UBXN7: variants seen among roughly 807,000 people sequenced by gnomAD.
UBXN7 encodes UBX domain-containing protein 7.
UBXN7 carries 9 observed loss-of-function variants against 58.0 expected under a neutral mutation model. That is an observed-to-expected ratio of 0.16 (90% CI 0.09 to 0.27). UBXN7 has a LOEUF of 0.27. Among genes scored for constraint, UBXN7 ranks in the 10% least tolerant of loss-of-function variants. The pLI is 1.00. For synonymous variants in UBXN7, 208 were observed against 205.0 expected (o/e 1.01, Z -0.12); for missense variants, 328 against 599.6 (o/e 0.55, Z 4.73).
chr3:196,383,766 A>T (rs928686010), intron 5 of UBXN7, among the ~76,000 whole-genome samples: 5 of 152,234 alleles, frequency 3.3e-5, no homozygotes, highest in African/African-American at 1.2e-4. Flanking sequence ...ACAAAGACAC[A>T]ACGTAACAGA....
chr3:196,392,006 T>G (rs1361068496), intron 4 of UBXN7, 81 bp from the exon 5 acceptor site: 8 of 813,634 alleles, frequency 9.8e-6, no homozygotes, highest in Admixed American at 6.4e-5. Context: ...AACACAAACT[T>G]CTGTCAATTG....
At chr3:196,385,735 G>A (rs999047387) in intron 5 of UBXN7, among the ~76,000 whole-genome samples, 6 of 149,620 alleles carry the variant, frequency 4.0e-5, no homozygotes, top group African/African-American at 5.0e-5. Context: ...CCCGGCAGCC[G>A]CCCATCAGGG....
In UBXN7 at chr3:196,393,638, G is replaced by T; in HGVS notation, c.290-19C>A. 1 of 1,592,516 alleles carries T rather than the reference G, an allele frequency of 6.3e-7. No individual in the cohort carries two copies. The highest frequency in any genetic ancestry group is 8.5e-7 in the Non-Finnish European group (1 of 1,172,858). On this transcript the variant is annotated intron_variant, in intron 3 of 10. Coordinates refer to ENST00000296328, the MANE Select transcript of UBXN7 (RefSeq NM_015562.2). ...TTAGGAGCTTTGGGGAGAAAAAATA[G>T]AATTGAAAATTTTTTAAATTAATTT...
intron 1 of UBXN7, chr3:196,431,940 A>C (rs1281447820): frequency 2.5e-6 from 1 of 396,638 alleles, no homozygotes. Flanking sequence ...ACCGCACCGC[A>C]GGGCTGCACA....
intron 1 of UBXN7, among the ~76,000 whole-genome samples, chr3:196,428,542 AT>A (rs1463347223): frequency 6.6e-6 from 1 of 152,182 alleles, no homozygotes; most frequent in Middle Eastern, 3.2e-3. Flanking sequence ...GTGGAAGATA[AT>A]ATGTAAAATA....
At chr3:196,401,312 CACACACACATAT>C (rs1349066880) in intron 3 of UBXN7, among the ~76,000 whole-genome samples, 14 of 110,896 alleles carry the variant, frequency 1.3e-4, no homozygotes, top group African/African-American at 5.0e-4. Flanking sequence ...CACACACACA[CACACACACATAT>C]ATATATATAC....
At position 196,362,365 on chromosome 3, in the gene UBXN7, G is replaced by T; in HGVS notation, c.1157C>A (p.Ala386Asp). The change falls in exon 9 of 11, where the codon GCT becomes GAT. Residue 386 changes from alanine (A) to aspartate (D), a missense_variant. Ala to Asp is a moderately radical substitution (Grantham distance 126). Around this residue, in one of 4 missense-constraint regions of UBXN7, gnomAD observed 66 missense variants for 77.9 expected, o/e 0.85. Coordinates refer to ENST00000296328, the MANE Select transcript of UBXN7 (RefSeq NM_015562.2). ...CATCTCCAGTATCTCTGAATCCACA[G>T]CTGGCAATCCTTGGTGGTTTGTGGC... Reference protein sequence around the residue: ...GTATNHQGLPAVDSEILEMPP... With the variant: ...GTATNHQGLPDVDSEILEMPP... The T allele has an allele frequency of 6.2e-7, 1 of 1,614,130 alleles. No homozygotes were observed. Among genetic ancestry groups the T allele is most frequent in the Admixed American group, 1.7e-5 (1 of 60,012 alleles).
Position 196,351,358 on chromosome 3 carries a change from A to G in UBXN7, c.*5327T>C, listed in dbSNP as rs1334395698. Reference sequence around the variant, plus strand: ...GGCACACAGCATTAAGTTTTAAAAAATAATGAATTGTTTACAAGATTATTA... The same window carrying G: ...GGCACACAGCATTAAGTTTTAAAAAGTAATGAATTGTTTACAAGATTATTA... On this transcript the variant is annotated 3_prime_UTR_variant, in exon 11 of 11. Transcript: ENST00000296328. 6.6e-6 allele frequency: 1 copy of G among 152,232 alleles called. No individual in the cohort carries two copies. The highest frequency in any genetic ancestry group is 2.4e-5 in the African/African-American group (1 of 41,462). The allele number at this position is 152,232 out of a possible 1,614,324, so 9.4% of individuals were successfully genotyped here.
At chr3:196,432,143 G>C (rs779452764) in intron 1 of UBXN7, 184 bp downstream of exon 1, 10 of 780,604 alleles carry the variant, frequency 1.3e-5, no homozygotes, top group Admixed American at 8.2e-5. Context: ...CGGGAGCGGG[G>C]GGGGGCTGTC....
intron 5 of UBXN7, among the ~76,000 whole-genome samples, chr3:196,385,514 T>C (rs878981647): frequency 1.9e-4 from 29 of 149,350 alleles, no homozygotes; most frequent in Admixed American, 1.9e-3. Context: ...TCGTCTGGGA[T>C]GTGGGGAGTG....
At chr3:196,396,250 C>T (rs146183938) in intron 3 of UBXN7, among the ~76,000 whole-genome samples, 3 of 152,014 alleles carry the variant, frequency 2.0e-5, no homozygotes, top group African/African-American at 7.2e-5. Context: ...TATAGCCTGC[C>T]AAAGAATGCC....
intron 5 of UBXN7, among the ~76,000 whole-genome samples, chr3:196,377,030 A>G (rs1729050025): frequency 6.7e-6 from 1 of 148,466 alleles, no homozygotes; most frequent in African/African-American, 2.5e-5. Flanking sequence ...TGGGTGACAG[A>G]GTGAGACTCT....
intron 1 of UBXN7, among the ~76,000 whole-genome samples, chr3:196,413,375 G>A (rs569145750): frequency 2.5e-4 from 38 of 152,030 alleles, no homozygotes; most frequent in Non-Finnish European, 4.3e-4. Flanking sequence ...TGTTATATAC[G>A]TGTTAATACA....
At chr3:196,405,295 C>A (rs1730126202) in intron 2 of UBXN7, among the ~76,000 whole-genome samples, 1 of 151,540 alleles carries the variant, frequency 6.6e-6, no homozygotes, top group Non-Finnish European at 1.5e-5. Flanking sequence ...CGTGGTGCAA[C>A]CCCATGTCTA....
At chr3:196,402,815 T>A in intron 3 of UBXN7, 137 bp downstream of exon 3, 1 of 984,062 alleles carries the variant, frequency 1.0e-6, no homozygotes, top group South Asian at 1.6e-5. Flanking sequence ...GCAACTTTCT[T>A]GACAGGACTA....
intron 8 of UBXN7, 133 bp downstream of exon 8, chr3:196,367,895 A>T (rs1728713740): frequency 7.9e-7 from 1 of 1,258,944 alleles, no homozygotes. Flanking sequence ...GAGGATATCT[A>T]AGATGCTATA....
chr3:196,385,498 C>T (rs997876118), intron 5 of UBXN7, among the ~76,000 whole-genome samples: 1 of 151,646 alleles, frequency 6.6e-6, no homozygotes, highest in African/African-American at 2.4e-5. Flanking sequence ...TCTGCCCAGC[C>T]ACCCATCGTC....
chr3:196,419,903 G>A (rs779415576), intron 1 of UBXN7, among the ~76,000 whole-genome samples: 6 of 152,192 alleles, frequency 3.9e-5, no homozygotes, highest in Non-Finnish European at 7.3e-5. Flanking sequence ...GGAATGGATA[G>A]AACAGTCCTA....
chr3:196,371,857 T>TA, intron 6 of UBXN7, 39 bp downstream of exon 6: 1 of 1,593,672 alleles, frequency 6.3e-7, no homozygotes, highest in Non-Finnish European at 8.5e-7. Flanking sequence ...ACTACAAAAG[T>TA]AAAATTCTAC....
Sources: gnomAD v4.1 joint callset for allele counts (sites outside exome capture counted in the v4.1 genomes callset) on GRCh38, gnomAD v4.1.1 for gene constraint, gnomAD v4.1.1 regional missense constraint, MANE v1.5 for transcripts, NCBI Gene and HGNC (gene_info 2026-07-23, HGNC 2026-07-21) for gene names.